ADK: variants seen among roughly 807,000 people sequenced by gnomAD.
The protein encoded by ADK is N6,N6-dimethyladenosine kinase.
ADK carries 24 observed loss-of-function variants against 44.7 expected under a neutral mutation model. That is an observed-to-expected ratio of 0.54 (90% CI 0.39 to 0.76). The LOEUF (loss-of-function observed/expected upper bound fraction) is 0.76. Ranked by LOEUF, ADK falls within the 30% of genes least tolerant of loss-of-function variation. The pLI is 0.00. For synonymous variants in ADK, 128 were observed against 142.6 expected (o/e 0.90, Z 0.73); for missense variants, 321 against 425.1 (o/e 0.76, Z 2.15).
chr10:74,402,309 C>T (rs1045913737), intron 6 of ADK, among the ~76,000 whole-genome samples: 1 of 152,170 alleles, frequency 6.6e-6, no homozygotes, highest in Non-Finnish European at 1.5e-5. Flanking sequence ...TGGGGACATT[C>T]TCCTGAATAA....
chr10:74,443,387 C>T (rs1052252758), intron 6 of ADK, among the ~76,000 whole-genome samples: 11 of 152,234 alleles, frequency 7.2e-5, no homozygotes, highest in African/African-American at 2.6e-4. Flanking sequence ...GTACTTTCAT[C>T]CATGCTGCAA....
intron 6 of ADK, among the ~76,000 whole-genome samples, chr10:74,415,599 T>C (rs1336080357): frequency 6.6e-6 from 1 of 152,186 alleles, no homozygotes; most frequent in African/African-American, 2.4e-5. Context: ...TCAGCTTTTA[T>C]TGAGGTATTT....
At chr10:74,460,559 T>C (rs1380055819) in intron 6 of ADK, among the ~76,000 whole-genome samples, 1 of 152,232 alleles carries the variant, frequency 6.6e-6, no homozygotes, top group Non-Finnish European at 1.5e-5. Flanking sequence ...TATTGAAGGA[T>C]ACTTAGCTTT....
intron 6 of ADK, among the ~76,000 whole-genome samples, chr10:74,412,519 A>C (rs1191958687): frequency 6.6e-6 from 1 of 152,190 alleles, no homozygotes; most frequent in East Asian, 1.9e-4. Flanking sequence ...AACCCATCAG[A>C]TGAGTCACTA....
In ADK at chr10:74,274,732, G is replaced by GTGTATATATATATATA. The variant is rs1554836801; in HGVS notation, c.195-39934_195-39933insGTATATATATATATAT. Reference sequence around the variant, plus strand: ...TAGTAGGAGAAAAATTTTAATGTGTGTATATATATATATATACACACACAC... The same window carrying GTGTATATATATATATA: ...TAGTAGGAGAAAAATTTTAATGTGTGTGTATATATATATATATATATATATATATATACACACACAC... On this transcript the variant is annotated intron_variant, in intron 3 of 10. Coordinates refer to ENST00000539909, the MANE Select transcript of ADK (RefSeq NM_006721.4). Among the ~76,000 whole-genome samples the GTGTATATATATATATA allele has an allele frequency of 6.7e-4, 56 of 84,186 alleles. 3 individuals are homozygous for GTGTATATATATATATA. Among genetic ancestry groups the GTGTATATATATATATA allele is most frequent in the South Asian group, 2.6e-3 (8 of 3,026 alleles). The allele number at this position is 84,186 out of a possible 152,430, so 55.2% of individuals were successfully genotyped here.
chr10:74,169,239 A>G (rs1459405202), intron 1 of ADK, among the ~76,000 whole-genome samples: 1 of 152,064 alleles, frequency 6.6e-6, no homozygotes, highest in African/African-American at 2.4e-5. Context: ...AAAAGAAAAT[A>G]TATTTCATAA....
intron 6 of ADK, among the ~76,000 whole-genome samples, chr10:74,508,859 A>C (rs1011120213): frequency 2.0e-5 from 3 of 152,332 alleles, no homozygotes; most frequent in Admixed American, 2.0e-4. Flanking sequence ...TAAATTATAC[A>C]TAATATATAA....
intron 3 of ADK, among the ~76,000 whole-genome samples, chr10:74,228,705 T>A (rs1038570923): frequency 6.6e-6 from 1 of 152,220 alleles, no homozygotes; most frequent in Non-Finnish European, 1.5e-5. Context: ...CCATTTTGTT[T>A]CCATGAATAT....
rs750874786 is a variant in ADK at position 74,306,376 on chromosome 10, C to A, written c.195-8291C>A. ...TGAAGAGTCCTAGTAGTTTGTGGTT[C>A]CCTGGAGCTCTCCGCCTTGGTAATC... is the stretch of plus-strand genomic sequence containing the variant. On this transcript the variant is annotated intron_variant, in intron 3 of 10. Transcript: ENST00000539909. 5.4e-4 allele frequency among the ~76,000 whole-genome samples: 82 copies of A among 151,998 alleles called. 1 individual carries two copies. Among genetic ancestry groups the A allele is most frequent in the Non-Finnish European group, 1.2e-4 (8 of 68,014 alleles).
At chr10:74,630,699 T>C (rs1271403573) in intron 9 of ADK, among the ~76,000 whole-genome samples, 1 of 152,184 alleles carries the variant, frequency 6.6e-6, no homozygotes, top group Non-Finnish European at 1.5e-5. Context: ...ATTGTAAAGT[T>C]AGTATTTTTT....
At chr10:74,529,282 A>C (rs911425844) in intron 7 of ADK, 3 of 152,198 alleles carry the variant, frequency 2.0e-5, no homozygotes, top group Non-Finnish European at 4.4e-5. Flanking sequence ...TCTAAGAAGA[A>C]TTCCACTTAC....
chr10:74,474,615 C>T (rs192071213), intron 6 of ADK, among the ~76,000 whole-genome samples: 1 of 151,704 alleles, frequency 6.6e-6, no homozygotes, highest in Non-Finnish European at 1.5e-5. Flanking sequence ...GAGATCATGG[C>T]TCGCTGAAAC....
At chr10:74,471,405 C>T (rs1846586048) in intron 6 of ADK, among the ~76,000 whole-genome samples, 1 of 152,018 alleles carries the variant, frequency 6.6e-6, no homozygotes, top group Non-Finnish European at 1.5e-5. Context: ...ATTGCTGTTG[C>T]TTTGTGTAAT....
At chr10:74,663,379 AG>A (rs1375952678) in intron 9 of ADK, among the ~76,000 whole-genome samples, 2 of 151,780 alleles carry the variant, frequency 1.3e-5, no homozygotes, top group African/African-American at 2.4e-5. Flanking sequence ...CTGTATTCCC[AG>A]TCCCTAATAA....
At chr10:74,165,090 A>T (rs1353761035) in intron 1 of ADK, among the ~76,000 whole-genome samples, 1 of 152,156 alleles carries the variant, frequency 6.6e-6, no homozygotes, top group Non-Finnish European at 1.5e-5. Flanking sequence ...GTTCTCAGGT[A>T]GAGTTGGAAA....
At chr10:74,576,743 A>C (rs949817547) in intron 7 of ADK, among the ~76,000 whole-genome samples, 4 of 152,252 alleles carry the variant, frequency 2.6e-5, no homozygotes, top group African/African-American at 9.6e-5. Flanking sequence ...CAGAAATGCC[A>C]CTACTTTGTA....
chr10:74,327,040 C>T (rs1841045584), intron 4 of ADK, among the ~76,000 whole-genome samples: 1 of 151,494 alleles, frequency 6.6e-6, no homozygotes, highest in Non-Finnish European at 1.5e-5. Flanking sequence ...TCATTTATTT[C>T]TTCTCTTTAT....
rs147418532 is a variant in ADK at position 74,687,868 on chromosome 10, A to G, written c.964+17599A>G. 6.2e-4 allele frequency among the ~76,000 whole-genome samples: 94 copies of G among 152,316 alleles called. No homozygotes were observed. The East Asian group carries it at 0.017, about 27-fold the overall frequency. ...TGTAGTAGTTTCCTAACTGATGTCT[A>G]TGCCTTCACTCTTTCTGGAACTTTA... On this transcript the variant is annotated intron_variant, in intron 10 of 10. Transcript: ENST00000539909.
chr10:74,649,114 G>C lies in ADK; in HGVS notation c.878-21069G>C, dbSNP rs553563410. On this transcript the variant is annotated intron_variant, in intron 9 of 10. Transcript: ENST00000539909. Reference sequence around the variant, plus strand: ...GAGAATCACTTGAACCCCGGAGGTAGGGGCAGGAGAATCACTTGAACCTGG... The same window carrying C: ...GAGAATCACTTGAACCCCGGAGGTACGGGCAGGAGAATCACTTGAACCTGG... Among the ~76,000 whole-genome samples, 466 of 152,242 alleles carry C rather than the reference G, an allele frequency of 3.1e-3. 2 individuals carry two copies. The highest frequency in any genetic ancestry group is 0.013 in the South Asian group (63 of 4,828).
Sources: gnomAD v4.1 joint callset for allele counts (sites outside exome capture counted in the v4.1 genomes callset) on GRCh38, gnomAD v4.1.1 for gene constraint, MANE v1.5 for transcripts, NCBI Gene and HGNC (gene_info 2026-07-23, HGNC 2026-07-21) for gene names.